The following COPZ1 variants were observed in gnomAD, a reference collection of about 807,000 sequenced individuals.
The protein encoded by COPZ1 is coatomer subunit zeta-1.
Under a neutral mutation model 31.7 loss-of-function variants are expected in COPZ1, and 4 were observed. That is an observed-to-expected ratio of 0.13 (90% CI 0.06 to 0.29). COPZ1 has a LOEUF of 0.29. Among genes scored for constraint, COPZ1 ranks in the 10% least tolerant of loss-of-function variants. The pLI is 1.00. For missense variants in COPZ1, 156 were observed against 211.5 expected, an observed-to-expected ratio of 0.74 and a Z score of 1.63; for synonymous variants, 74 against 79.0, an observed-to-expected ratio of 0.94 and a Z score of 0.33.
At chr12:54,340,037 C>T (rs567196954) in intron 1 of COPZ1, among the ~76,000 whole-genome samples, 15 of 150,928 alleles carry the variant, frequency 9.9e-5, no homozygotes, top group Non-Finnish European at 1.8e-4. Context: ...TCTTTTCCCT[C>T]TGCTTAGTGT....
chr12:54,347,010 C>T (rs569635152), intron 5 of COPZ1, among the ~76,000 whole-genome samples: 1 of 152,298 alleles, frequency 6.6e-6, no homozygotes, highest in East Asian at 1.9e-4. Flanking sequence ...GGGCTCTGAA[C>T]TTCATTCCCC....
At chr12:54,326,124 A>AATT (rs377508362) in intron 1 of COPZ1, among the ~76,000 whole-genome samples, 4,769 of 139,122 alleles carry the variant, frequency 0.034, 151 homozygotes, top group African/African-American at 0.076. Context: ...CCTGGCCAGG[A>AATT]ATTATTATTA....
chr12:54,330,834 T>C (rs1592197183), intron 1 of COPZ1, among the ~76,000 whole-genome samples: 1 of 152,306 alleles, frequency 6.6e-6, no homozygotes, highest in Non-Finnish European at 1.5e-5. Flanking sequence ...TCAGTACCTA[T>C]GTACCCACTT....
rs1316204720 is a variant in COPZ1 at position 54,350,953 on chromosome 12, A to G, written c.*430A>G. On this transcript the variant is annotated 3_prime_UTR_variant, in exon 9 of 9. Transcript: ENST00000262061. The stretch of plus-strand genomic sequence containing the variant: ...GCCCAGCAAGGGGAGAGAGAAAGAG[A>G]ATTCTTTTCTATAGAACGAGTGGGG... The G allele has an allele frequency of 5.1e-6, 1 of 197,068 alleles. No individual in the cohort carries two copies. The allele number at this position is 197,068 out of a possible 1,614,324, so 12.2% of individuals were successfully genotyped here.
intron 5 of COPZ1, chr12:54,346,658 C>T: frequency 1.4e-6 from 1 of 701,838 alleles, no homozygotes; most frequent in Non-Finnish European, 2.6e-6. Flanking sequence ...GAGTTCAAGA[C>T]AAGCTTGGGC....
At chr12:54,332,745 A>AG (rs1565590248) in intron 1 of COPZ1, among the ~76,000 whole-genome samples, 9 of 150,574 alleles carry the variant, frequency 6.0e-5, no homozygotes, top group Admixed American at 3.3e-4. Flanking sequence ...AAAAAAAAAA[A>AG]GGGAAAAAAA....
intron 1 of COPZ1, among the ~76,000 whole-genome samples, chr12:54,337,570 G>A (rs1431682562): frequency 6.6e-6 from 1 of 152,212 alleles, no homozygotes; most frequent in African/African-American, 2.4e-5. Flanking sequence ...TTATGGCATA[G>A]CCCTCCCCAC....
In COPZ1 at chr12:54,343,209, T is replaced by A; in HGVS notation, c.170-16T>A. 1 of 1,608,650 alleles carries A rather than the reference T, an allele frequency of 6.2e-7. No homozygotes were observed. The highest frequency in any genetic ancestry group is 8.5e-7 in the Non-Finnish European group (1 of 1,175,044). Reference sequence around the variant, plus strand: ...TCTCAAGCCACCCACTATTTTTACTTTTTTTCCCCCACCAGGTGAAATTGC... The same window carrying A: ...TCTCAAGCCACCCACTATTTTTACTATTTTTCCCCCACCAGGTGAAATTGC... On this transcript the variant is annotated splice_polypyrimidine_tract_variant and intron_variant, in intron 3 of 8. Transcript: ENST00000262061.
intron 1 of COPZ1, among the ~76,000 whole-genome samples, chr12:54,339,980 C>CGT (rs10522684): frequency 0.092 from 13,061 of 142,022 alleles, 840 homozygotes; most frequent in African/African-American, 0.18. Flanking sequence ...TGTGCCTGTG[C>CGT]GTGTGTGTGT....
chr12:54,350,443 A>C, intron 8 of COPZ1, 33 bp from the exon 9 acceptor site: 1 of 1,605,932 alleles, frequency 6.2e-7, no homozygotes, highest in South Asian at 1.1e-5. Flanking sequence ...CCCTGTCAGC[A>C]AGCTTTCCTC....
At chr12:54,325,912 G>A (rs1953625887) in intron 1 of COPZ1, among the ~76,000 whole-genome samples, 2 of 147,912 alleles carry the variant, frequency 1.4e-5, no homozygotes, top group South Asian at 4.3e-4. Flanking sequence ...TCCACCTCCC[G>A]GGTTCAAGCT....
At chr12:54,345,543 T>A in intron 5 of COPZ1, 28 bp downstream of exon 5, 1 of 1,571,200 alleles carries the variant, frequency 6.4e-7, no homozygotes, top group Non-Finnish European at 8.8e-7. Context: ...TTTTTTCCCC[T>A]CAAGTTATGA....
chr12:54,326,674 T>TA (rs761168411), intron 1 of COPZ1, among the ~76,000 whole-genome samples: 111 of 147,640 alleles, frequency 7.5e-4, no homozygotes, highest in African/African-American at 2.6e-3. Flanking sequence ...TGTGTGTGTG[T>TA]GTGTGTAGGT....
chr12:54,331,763 G>A (rs181990013), intron 1 of COPZ1, among the ~76,000 whole-genome samples: 5 of 152,164 alleles, frequency 3.3e-5, no homozygotes, highest in East Asian at 3.9e-4. Context: ...GATACAAATC[G>A]TGACCCAGGA....
chr12:54,341,696 C>T (rs980352278), intron 2 of COPZ1, among the ~76,000 whole-genome samples: 2 of 152,298 alleles, frequency 1.3e-5, no homozygotes. Flanking sequence ...ATGCTTCTTT[C>T]AGCTTGCAGA....
rs1954115021 is a variant in COPZ1, at chr12:54,349,607, C to G, written c.448-13C>G. ...TTTCTCCCACACTAAATGCTTGTAT[C>G]TCTGTGCCATAGGGTGAAGATGTCC... On this transcript the variant is annotated splice_polypyrimidine_tract_variant and intron_variant, in intron 7 of 8. Transcript: ENST00000262061. 2 of 1,609,888 alleles carry G rather than the reference C, an allele frequency of 1.2e-6. No homozygotes were observed.
At chr12:54,342,464 G>A in intron 3 of COPZ1, 177 bp downstream of exon 3, 1 of 589,788 alleles carries the variant, frequency 1.7e-6, no homozygotes, top group Non-Finnish European at 3.0e-6. Flanking sequence ...ACCTCACGCG[G>A]GAATACCATG....
chr12:54,348,181 C>T, intron 7 of COPZ1, 130 bp downstream of exon 7: 1 of 754,364 alleles, frequency 1.3e-6, no homozygotes. Context: ...CTTTCAAATA[C>T]ATTCAGCCTT....
chr12:54,348,464 C>T (rs73316322), intron 7 of COPZ1, among the ~76,000 whole-genome samples: 1,783 of 152,198 alleles, frequency 0.012, 39 homozygotes, highest in East Asian at 0.039. Flanking sequence ...TAGGACTGAG[C>T]GTGGTGGCTC....
Sources: allele counts gnomAD v4.1 joint callset (sites outside exome capture counted in the v4.1 genomes callset), GRCh38; gene constraint gnomAD v4.1.1; transcripts MANE v1.5; gene names NCBI Gene and HGNC (gene_info 2026-07-23, HGNC 2026-07-21).